The following HMCN1 variants were observed in gnomAD, a reference collection of about 807,000 sequenced individuals.
The protein encoded by HMCN1 is hemicentin 1.
A neutral mutation model predicts 625.9 loss-of-function variants in HMCN1; 321 were observed. The observed-to-expected ratio is 0.51, with a 90% CI of 0.47 to 0.56. The LOEUF (loss-of-function observed/expected upper bound fraction) is 0.56. HMCN1 is among the 20% of genes least tolerant of loss of function. HMCN1 has a pLI of 0.00. For synonymous variants in HMCN1, 2,425 were observed against 2,417.6 expected (o/e 1.00, Z -0.09); for missense variants, 6,588 against 6,887.3 (o/e 0.96, Z 1.54).
At chr1:185,874,985 ATAT>A (rs1214069719) in intron 4 of HMCN1, among the ~76,000 whole-genome samples, 5 of 151,984 alleles carry the variant, frequency 3.3e-5, no homozygotes, top group Admixed American at 3.3e-4. Flanking sequence ...TAATGCAGTA[ATAT>A]TATAATGAAT....
intron 2 of HMCN1, among the ~76,000 whole-genome samples, chr1:185,857,326 G>C (rs1016980581): frequency 6.6e-6 from 1 of 152,154 alleles, no homozygotes; most frequent in Admixed American, 6.5e-5. Flanking sequence ...GAGCAGGACT[G>C]TGCATACTGA....
chr1:186,036,250 T>C (rs904036541), intron 36 of HMCN1, among the ~76,000 whole-genome samples: 1 of 152,182 alleles, frequency 6.6e-6, no homozygotes, highest in Admixed American at 6.5e-5. Context: ...TATTAGTCCA[T>C]GTTCATGCTG....
rs553232194 is a variant in HMCN1 at position 185,874,477 on chromosome 1, C to T, written c.621+8614C>T. Among the ~76,000 whole-genome samples, 47 of 151,960 alleles carry T rather than the reference C, an allele frequency of 3.1e-4. No individual in the cohort carries two copies. In the Middle Eastern group the frequency reaches 0.01, roughly 33 times the overall value. ...ATGCTTCATATATTTTCCAGGTTTC[C>T]TTATGCATTCCAAGAGTGAATTGAC... is the stretch of plus-strand genomic sequence containing the variant. On this transcript the variant is annotated intron_variant, in intron 4 of 106. Transcript: ENST00000271588.
chr1:186,031,273 C>A (rs1241375724), intron 36 of HMCN1, among the ~76,000 whole-genome samples: 2 of 151,952 alleles, frequency 1.3e-5, no homozygotes, highest in African/African-American at 4.8e-5. Flanking sequence ...TTTTAAAAGA[C>A]AGATTTTCTG....
chr1:185,796,026 C>A (rs541741982), intron 1 of HMCN1, among the ~76,000 whole-genome samples: 1 of 152,202 alleles, frequency 6.6e-6, no homozygotes, highest in South Asian at 2.1e-4. Context: ...GTGATAAAGC[C>A]TGGGCTATTA....
At chr1:185,847,594 C>T (rs1661900928) in intron 2 of HMCN1, among the ~76,000 whole-genome samples, 1 of 152,180 alleles carries the variant, frequency 6.6e-6, no homozygotes, top group Admixed American at 6.5e-5. Flanking sequence ...TTCACTTGAT[C>T]TCAATTCCTT....
chr1:185,874,167 A>T (rs1018144227), intron 4 of HMCN1, among the ~76,000 whole-genome samples: 1 of 152,026 alleles, frequency 6.6e-6, no homozygotes, highest in Non-Finnish European at 1.5e-5. Context: ...TCTGTATATT[A>T]TGAACCAATG....
chr1:185,939,764 A>C (rs1283978912), intron 11 of HMCN1, among the ~76,000 whole-genome samples: 1 of 152,110 alleles, frequency 6.6e-6, no homozygotes, highest in Non-Finnish European at 1.5e-5. Flanking sequence ...TTTCATATTT[A>C]AAATAATTGA....
At position 186,045,828 on chromosome 1, in the gene HMCN1, G is replaced by T; in HGVS notation, c.6445G>T (p.Gly2149Cys). The change falls in exon 41 of 107, where the codon GGC becomes TGC. Residue 2149 changes from glycine to cysteine, a missense_variant. Coordinates refer to ENST00000271588, the MANE Select transcript of HMCN1 (RefSeq NM_031935.3). ...KDGHPLLKKP[G>C]LSISENRSVL... Reference sequence around the variant, plus strand: ...CGGCCACCCCTTGCTGAAGAAACCAGGCCTCAGTATATCTGAAAATAGAAG... The same window carrying T: ...CGGCCACCCCTTGCTGAAGAAACCATGCCTCAGTATATCTGAAAATAGAAG... 6.2e-7 allele frequency: 1 copy of T among 1,612,606 alleles called. No homozygotes were observed. Among genetic ancestry groups the T allele is most frequent in the Non-Finnish European group, 8.5e-7 (1 of 1,178,886 alleles).
At chr1:186,182,336 A>C (rs753469730) in intron 105 of HMCN1, 49 bp downstream of exon 105, 1 of 1,609,654 alleles carries the variant, frequency 6.2e-7, no homozygotes, top group South Asian at 1.1e-5. Context: ...CTAAAAACCA[A>C]CAGAGAGTGT....
chr1:186,111,202 C>T (rs1008294050), intron 71 of HMCN1, among the ~76,000 whole-genome samples: 1 of 151,394 alleles, frequency 6.6e-6, no homozygotes, highest in Non-Finnish European at 1.5e-5. Flanking sequence ...AGGATGGTCT[C>T]GATCTCCTGA....
intron 30 of HMCN1, among the ~76,000 whole-genome samples, chr1:186,011,982 C>T (rs1017215119): frequency 2.6e-5 from 4 of 152,126 alleles, no homozygotes; most frequent in Non-Finnish European, 5.9e-5. Flanking sequence ...ACTTCATCAC[C>T]ACTAACGCAT....
chr1:186,005,546 CA>C (rs1200843580), intron 29 of HMCN1, among the ~76,000 whole-genome samples: 1 of 145,238 alleles, frequency 6.9e-6, no homozygotes, highest in Non-Finnish European at 1.5e-5. Context: ...TGTTTATAAA[CA>C]ATTTTTTAAT....
At chr1:186,022,972 T>C (rs1437719643) in intron 35 of HMCN1, 58 bp from the exon 36 acceptor site, 12 of 1,530,086 alleles carry the variant, frequency 7.8e-6, no homozygotes, top group Non-Finnish European at 1.1e-5. Context: ...TCTCAGTGAA[T>C]ATTTTCAAAT....
intron 79 of HMCN1, 36 bp downstream of exon 79, chr1:186,119,918 G>A (rs1661318189): frequency 1.9e-6 from 3 of 1,613,940 alleles, no homozygotes; most frequent in African/African-American, 2.7e-5. Flanking sequence ...GAAAATCATA[G>A]CACATCAGTG....
At chr1:186,074,977 G>T (rs1318512308) in intron 53 of HMCN1, 86 bp downstream of exon 53, 22 of 1,098,802 alleles carry the variant, frequency 2.0e-5, no homozygotes, top group Non-Finnish European at 2.7e-5. Context: ...TTTAAACAGT[G>T]TTTTTTTCTG....
chr1:185,800,893 AG>A (rs1457444601), intron 1 of HMCN1, among the ~76,000 whole-genome samples: 24 of 152,346 alleles, frequency 1.6e-4, no homozygotes, highest in Non-Finnish European at 2.5e-4. Flanking sequence ...CAGCTAAGAA[AG>A]TAAACCACTG....
rs2102136760 is a variant in HMCN1 at position 186,016,150 on chromosome 1, G to A, written c.5102G>A (p.Ser1701Asn). ...GGTGGGAAGAAACTCGAAATCATGA[G>A]TGCCCAAGAAATTGATCGAGGACAG... is the stretch of plus-strand genomic sequence containing the variant. Reference protein sequence around the residue: ...EAGGKKLEIMSAQEIDRGQYI... With the variant: ...EAGGKKLEIMNAQEIDRGQYI... The change falls in exon 32 of 107, where the codon AGT becomes AAT. Residue 1701 changes from serine to asparagine, a missense_variant. Transcript: ENST00000271588. 2 of 1,613,424 alleles carry A rather than the reference G, an allele frequency of 1.2e-6. No homozygotes were observed. The highest frequency in any genetic ancestry group is 1.7e-6 in the Non-Finnish European group (2 of 1,179,538).
intron 14 of HMCN1, among the ~76,000 whole-genome samples, chr1:185,968,583 AT>A (rs1650587176): frequency 6.6e-6 from 1 of 151,826 alleles, no homozygotes; most frequent in Admixed American, 6.6e-5. Context: ...TTAAACAAAC[AT>A]TTTTGATAAC....
Sources: gnomAD v4.1 joint callset for allele counts (sites outside exome capture counted in the v4.1 genomes callset) on GRCh38, gnomAD v4.1.1 for gene constraint, MANE v1.5 for transcripts, NCBI Gene and HGNC (gene_info 2026-07-23, HGNC 2026-07-21) for gene names.